Variants in VEPH1 observed in about 807,000 individuals in gnomAD.
The protein encoded by VEPH1 is ventricular zone expressed PH domain containing 1, also known as ventricular zone-expressed PH domain-containing protein homolog 1.
A neutral mutation model predicts 85.2 loss-of-function variants in VEPH1; 80 were observed. The observed-to-expected ratio is 0.94, with a 90% CI of 0.78 to 1.13. The LOEUF (loss-of-function observed/expected upper bound fraction) is 1.13, where lower values mean the gene tolerates loss of function less well. VEPH1 is among the 50% of genes most tolerant of loss of function. VEPH1 has a pLI of 0.00. For synonymous variants in VEPH1, 297 were observed against 348.0 expected (o/e 0.85, Z 1.63); for missense variants, 955 against 980.5 (o/e 0.97, Z 0.35).
chr3:157,461,607 T>A (rs1167705507), intron 3 of VEPH1, among the ~76,000 whole-genome samples: 1 of 152,190 alleles, frequency 6.6e-6, no homozygotes, highest in African/African-American at 2.4e-5. Context: ...GAACTCCACC[T>A]TTATACATCA....
chr3:157,268,767 A>G (rs1183634179), intron 12 of VEPH1, among the ~76,000 whole-genome samples: 1 of 152,154 alleles, frequency 6.6e-6, no homozygotes, highest in Non-Finnish European at 1.5e-5. Context: ...TGTTTTCCTA[A>G]GACAGGGTGT....
chr3:157,396,785 G>A (rs540738235), intron 6 of VEPH1, among the ~76,000 whole-genome samples: 2 of 151,910 alleles, frequency 1.3e-5, no homozygotes, highest in South Asian at 4.2e-4. Context: ...TTTTTAATTG[G>A]GTTGTTTGTT....
intron 1 of VEPH1, among the ~76,000 whole-genome samples, chr3:157,498,808 ACCT>A (rs1428161516): frequency 6.6e-6 from 1 of 152,150 alleles, no homozygotes; most frequent in African/African-American, 2.4e-5. Context: ...ATCAAATTCT[ACCT>A]CATGTTCTGA....
At chr3:157,456,592 C>T (rs926420469) in intron 4 of VEPH1, among the ~76,000 whole-genome samples, 2 of 152,162 alleles carry the variant, frequency 1.3e-5, no homozygotes, top group African/African-American at 4.8e-5. Context: ...CTGCATATGA[C>T]TAGGCAGTTA....
chr3:157,401,752 CGCA>C (rs972665744), intron 6 of VEPH1, among the ~76,000 whole-genome samples: 9 of 140,904 alleles, frequency 6.4e-5, no homozygotes, highest in African/African-American at 2.4e-4. Flanking sequence ...TTTTTGGTTT[CGCA>C]GCAACTGTGA....
At chr3:157,274,442 T>C (rs1166612532) in intron 12 of VEPH1, among the ~76,000 whole-genome samples, 1 of 152,048 alleles carries the variant, frequency 6.6e-6, no homozygotes, top group Non-Finnish European at 1.5e-5. Flanking sequence ...AAAATGGAGG[T>C]ATGAAAGGCA....
intron 5 of VEPH1, among the ~76,000 whole-genome samples, chr3:157,415,538 T>G (rs934134908): frequency 1.3e-5 from 2 of 152,018 alleles, no homozygotes; most frequent in African/African-American, 4.8e-5. Flanking sequence ...TCCTAACAGG[T>G]CTCCCTGTCT....
At chr3:157,331,250 C>T (rs1410453886) in intron 9 of VEPH1, among the ~76,000 whole-genome samples, 3 of 152,126 alleles carry the variant, frequency 2.0e-5, no homozygotes, top group East Asian at 1.9e-4. Flanking sequence ...TAAGTGATAC[C>T]GTCTGGAGTT....
intron 7 of VEPH1, among the ~76,000 whole-genome samples, chr3:157,373,659 T>A (rs1358373239): frequency 6.6e-6 from 1 of 152,150 alleles, no homozygotes; most frequent in Non-Finnish European, 1.5e-5. Flanking sequence ...AAGGTCCTCT[T>A]ACCTCTTCTC....
chr3:157,363,146 C>G (rs1726230807), intron 9 of VEPH1: 1 of 396,816 alleles, frequency 2.5e-6, no homozygotes, highest in South Asian at 6.2e-5. Flanking sequence ...AGTCAGTGGA[C>G]TTATGTGCAC....
intron 2 of VEPH1, among the ~76,000 whole-genome samples, chr3:157,482,225 T>TTTTG (rs3048622): frequency 0.64 from 96,993 of 151,276 alleles, 31,487 homozygotes; most frequent in African/African-American, 0.74. Context: ...TTGGTAGGTT[T>TTTTG]TTTGTTTGTT....
rs537427153 is a variant in VEPH1 at position 157,370,254 on chromosome 3, G to A, written c.1128-5742C>T. Among the ~76,000 whole-genome samples the A allele has an allele frequency of 1.1e-4, 17 of 152,238 alleles. No homozygotes were observed. The East Asian group carries it at 3.3e-3, about 29-fold the overall frequency. On this transcript the variant is annotated intron_variant, in intron 7 of 13. Transcript: ENST00000362010. ...GGCTGCTCGCTGCTCTCACTAAGCG[G>A]GGAGATGAGACTATAAAGCTGGCAG...
intron 11 of VEPH1, among the ~76,000 whole-genome samples, chr3:157,295,654 G>T (rs555560093): frequency 6.6e-6 from 1 of 152,024 alleles, no homozygotes; most frequent in Non-Finnish European, 1.5e-5. Context: ...TAGAGAACTG[G>T]ATAAAGTAAA....
At chr3:157,372,267 T>C (rs1727584827) in intron 7 of VEPH1, among the ~76,000 whole-genome samples, 1 of 152,212 alleles carries the variant, frequency 6.6e-6, no homozygotes, top group Non-Finnish European at 1.5e-5. Context: ...TTTTAATTGA[T>C]AGAAACATAG....
chr3:157,363,670 T>C lies in VEPH1; in HGVS notation c.1429A>G (p.Ile477Val). 1 of 1,614,158 alleles carries C rather than the reference T, an allele frequency of 6.2e-7. No homozygotes were observed. The change falls in exon 9 of 14, where the codon ATC (isoleucine) becomes GTC (valine). Residue 477 changes from isoleucine (I) to valine (V), a missense_variant. By Grantham distance (29) the Ile-to-Val change is conservative. Coordinates refer to ENST00000362010, the MANE Select transcript of VEPH1 (RefSeq NM_001167912.2). Reference sequence around the variant, plus strand: ...AGTGGGTCTATTTCTGAAAGAGAGATGCTGGCTGGTATGTCTCCCCTGTTT... The same window carrying C: ...AGTGGGTCTATTTCTGAAAGAGAGACGCTGGCTGGTATGTCTCCCCTGTTT... Reference protein sequence around the residue: ...DENRGDIPASISLSEIDPLGQ... With the variant: ...DENRGDIPASVSLSEIDPLGQ...
chr3:157,260,872 C>A lies in VEPH1; in HGVS notation c.*262G>T. On this transcript the variant is annotated 3_prime_UTR_variant, in exon 14 of 14. Transcript: ENST00000362010. ...TTTTCCCTTCCTGGCCCCACACTAT[C>A]TGAGGGCATACTCTGTAGCTCCTTT... is the stretch of plus-strand genomic sequence containing the variant. The A allele has an allele frequency of 2.4e-6, 1 of 408,940 alleles. No individual in the cohort carries two copies. Among genetic ancestry groups the A allele is most frequent in the South Asian group, 3.2e-5 (1 of 31,066 alleles). The allele number at this position is 408,940 out of a possible 1,614,324, so 25.3% of individuals were successfully genotyped here. A position where few individuals can be genotyped will look rare whatever the true frequency, so the allele number is the denominator to read the frequency against.
rs1726421405 is a variant in VEPH1, at chr3:157,364,525, A to G, written c.1128-13T>C. 4.3e-6 allele frequency: 7 copies of G among 1,609,232 alleles called. No homozygotes were observed. Among genetic ancestry groups the G allele is most frequent in the East Asian group, 2.2e-5 (1 of 44,792 alleles). ...GCTGATTTTTCTCCTAAAGGAATAT[A>G]AATCATTGCATTAGATGCAGGTCAT... is the stretch of plus-strand genomic sequence containing the variant. On this transcript the variant is annotated splice_polypyrimidine_tract_variant and intron_variant, in intron 7 of 13. Coordinates refer to ENST00000362010, the MANE Select transcript of VEPH1 (RefSeq NM_001167912.2).
At chr3:157,276,418 T>G (rs186761594) in intron 12 of VEPH1, among the ~76,000 whole-genome samples, 2 of 152,264 alleles carry the variant, frequency 1.3e-5, no homozygotes, top group Non-Finnish European at 2.9e-5. Flanking sequence ...GAATCAAAAT[T>G]TTGGGATAGG....
At chr3:157,491,117 T>A (rs1300772223) in intron 2 of VEPH1, among the ~76,000 whole-genome samples, 1 of 152,122 alleles carries the variant, frequency 6.6e-6, no homozygotes, top group African/African-American at 2.4e-5. Context: ...CATAGCTAAA[T>A]ACCACAAGGA....
Sources: gnomAD v4.1 joint callset for allele counts (sites outside exome capture counted in the v4.1 genomes callset) on GRCh38, gnomAD v4.1.1 for gene constraint, MANE v1.5 for transcripts, NCBI Gene and HGNC (gene_info 2026-07-23, HGNC 2026-07-21) for gene names.